ZSWIM3: variants seen among roughly 807,000 people sequenced by gnomAD.
ZSWIM3 encodes the protein zinc finger SWIM-type containing 3.
Under a neutral mutation model 47.5 loss-of-function variants are expected in ZSWIM3, and 27 were observed. That is an observed-to-expected ratio of 0.57 (90% CI 0.42 to 0.78). The LOEUF is 0.78. Among genes scored for constraint, ZSWIM3 ranks in the 30% least tolerant of loss-of-function variants. The pLI is 0.00. For synonymous variants in ZSWIM3, 333 were observed against 333.9 expected, an observed-to-expected ratio of 1.00 and a Z score of 0.03; for missense variants, 689 against 861.3, an observed-to-expected ratio of 0.80 and a Z score of 2.50.
chr20:45,876,949 C>T lies in ZSWIM3; in HGVS notation c.391C>T (p.Gln131Ter), dbSNP rs1202775636. The T allele has an allele frequency of 1.9e-6, 3 of 1,614,046 alleles. No individual in the cohort carries two copies. Among genetic ancestry groups the T allele is most frequent in the Non-Finnish European group, 1.7e-6 (2 of 1,180,022 alleles). Residue 131 changes from glutamine (Q) to a stop codon, truncating the protein, a stop_gained, in exon 2 of 2, where the codon CAG becomes TAG. Transcript: ENST00000255152. LOFTEE classifies it high-confidence loss of function. Reference protein sequence around the residue: ...TMCLQRLQPVQPTTKKDLDTA... With the variant: ...TMCLQRLQPV ...GTGCCTGCAGAGACTCCAGCCTGTG[C>T]AGCCCACAACCAAAAAAGACCTTGA...
At chr20:45,858,778 CT>C (rs34910222) in intron 1 of ZSWIM3, among the ~76,000 whole-genome samples, 78,381 of 151,772 alleles carry the variant, frequency 0.52, 20,790 homozygotes, top group Admixed American at 0.6. Context: ...CCCTGCAGGG[CT>C]TTTTTTTCAG....
chr20:45,874,504 T>C (rs748527042), intron 1 of ZSWIM3, among the ~76,000 whole-genome samples: 2 of 152,154 alleles, frequency 1.3e-5, no homozygotes, highest in Non-Finnish European at 2.9e-5. Context: ...AGAGTGAGAC[T>C]TTAATTTCAA....
chr20:45,864,608 A>G (rs1166317056), intron 1 of ZSWIM3, among the ~76,000 whole-genome samples: 2 of 152,358 alleles, frequency 1.3e-5, no homozygotes, highest in South Asian at 2.1e-4. Flanking sequence ...CACGCCTATA[A>G]TCCCAACACT....
Position 45,857,649 on chromosome 20 carries a change from C to A in ZSWIM3, c.-177C>A. 1.3e-6 allele frequency: 1 copy of A among 759,408 alleles called. No homozygotes were observed. The highest frequency in any genetic ancestry group is 2.2e-6 in the Non-Finnish European group (1 of 458,280). The allele number at this position is 759,408 out of a possible 1,614,324, so 47.0% of individuals were successfully genotyped here. A position where few individuals can be genotyped will look rare whatever the true frequency, so the allele number is the denominator to read the frequency against. On this transcript the variant is annotated 5_prime_UTR_variant, in exon 1 of 2. Coordinates refer to ENST00000255152, the MANE Select transcript of ZSWIM3 (RefSeq NM_080752.4). ...AAATACACCCCCTTCCTCTTGTAAC[C>A]CGGTCAGGCCTAGGGTTCCTCCCTG...
At chr20:45,864,847 T>A (rs1000832971) in intron 1 of ZSWIM3, among the ~76,000 whole-genome samples, 11 of 151,034 alleles carry the variant, frequency 7.3e-5, no homozygotes, top group Admixed American at 7.3e-4. Context: ...GGTGACAGAG[T>A]GAGACTCCAT....
At chr20:45,870,250 G>A (rs1403721747) in intron 1 of ZSWIM3, among the ~76,000 whole-genome samples, 1 of 151,766 alleles carries the variant, frequency 6.6e-6, no homozygotes, top group Non-Finnish European at 1.5e-5. Flanking sequence ...TGAGGCAGGA[G>A]AATCGCTTGA....
chr20:45,875,278 G>A (rs950914497), intron 1 of ZSWIM3, among the ~76,000 whole-genome samples: 1 of 151,890 alleles, frequency 6.6e-6, no homozygotes. Context: ...TCCTGATCTC[G>A]TGATTCACCC....
At chr20:45,860,444 G>A (rs1187540039) in intron 1 of ZSWIM3, among the ~76,000 whole-genome samples, 6 of 150,142 alleles carry the variant, frequency 4.0e-5, no homozygotes, top group Non-Finnish European at 8.8e-5. Flanking sequence ...CCGGGAGGTG[G>A]AGGTTGCAGT....
chr20:45,868,647 T>G (rs1386053799), intron 1 of ZSWIM3, among the ~76,000 whole-genome samples: 1 of 151,762 alleles, frequency 6.6e-6, no homozygotes, highest in Non-Finnish European at 1.5e-5. Context: ...TCTCCCAAAG[T>G]GTTGGGATTA....
rs774404420 is a variant in ZSWIM3 at position 45,878,457 on chromosome 20, C to T, written c.1899C>T (p.Thr633=). 18 of 1,614,176 alleles carry T rather than the reference C, an allele frequency of 1.1e-5. No individual in the cohort carries two copies. Among genetic ancestry groups the T allele is most frequent in the East Asian group, 2.2e-5 (1 of 44,882 alleles). The change falls in exon 2 of 2, where the codon ACC becomes ACT. Residue 633 remains threonine (T), a synonymous_variant. Transcript: ENST00000255152. ...SRELANLLMQ[T]EGPELEERYS... ...AGTTAGCAAACCTGCTCATGCAGAC[C>T]GAGGGGCCAGAGCTGGAGGAACGCT...
chr20:45,872,149 G>T (rs1985990135), intron 1 of ZSWIM3, among the ~76,000 whole-genome samples: 1 of 152,176 alleles, frequency 6.6e-6, no homozygotes, highest in Non-Finnish European at 1.5e-5. Context: ...GATGATAATA[G>T]AATCCTTTTC....
chr20:45,873,467 T>C (rs890451638), intron 1 of ZSWIM3, among the ~76,000 whole-genome samples: 1 of 151,876 alleles, frequency 6.6e-6, no homozygotes, highest in African/African-American at 2.4e-5. Flanking sequence ...TGAGGAATAA[T>C]AGTCCTGACA....
chr20:45,865,865 C>T (rs549836175), intron 1 of ZSWIM3, among the ~76,000 whole-genome samples: 4 of 151,794 alleles, frequency 2.6e-5, no homozygotes, highest in African/African-American at 7.3e-5. Flanking sequence ...TGGTGGCAGG[C>T]GCCTGTAATC....
chr20:45,859,956 C>T lies in ZSWIM3; in HGVS notation c.155+1976C>T, dbSNP rs1005743554. ...ATGTGATTCAGGGAAATAGGTGCTG[C>T]GGGAACTCAGAAGAGAAAAATCACT... On this transcript the variant is annotated intron_variant, in intron 1 of 1. Coordinates refer to ENST00000255152, the MANE Select transcript of ZSWIM3 (RefSeq NM_080752.4). Among the ~76,000 whole-genome samples the T allele has an allele frequency of 2.7e-4, 41 of 151,898 alleles. 2 individuals are homozygous for T.
At chr20:45,865,404 C>T (rs1320471994) in intron 1 of ZSWIM3, among the ~76,000 whole-genome samples, 1 of 151,814 alleles carries the variant, frequency 6.6e-6, no homozygotes, top group Non-Finnish European at 1.5e-5. Context: ...AGGAGAATGG[C>T]GTGAACCCGG....
At chr20:45,872,152 T>A (rs1985990185) in intron 1 of ZSWIM3, among the ~76,000 whole-genome samples, 1 of 152,202 alleles carries the variant, frequency 6.6e-6, no homozygotes, top group Admixed American at 6.6e-5. Flanking sequence ...GATAATAGAA[T>A]CCTTTTCCTA....
chr20:45,861,471 A>G (rs1985707054), intron 1 of ZSWIM3, among the ~76,000 whole-genome samples: 1 of 151,738 alleles, frequency 6.6e-6, no homozygotes, highest in African/African-American at 2.4e-5. Flanking sequence ...TTGCACGCAC[A>G]TACAAAAGCC....
chr20:45,868,204 G>A (rs1568746715), intron 1 of ZSWIM3, among the ~76,000 whole-genome samples: 1 of 152,150 alleles, frequency 6.6e-6, no homozygotes. Flanking sequence ...CGAAATCCCT[G>A]CAAGTGATGA....
At chr20:45,876,297 G>A (rs996366729) in intron 1 of ZSWIM3, among the ~76,000 whole-genome samples, 11 of 151,294 alleles carry the variant, frequency 7.3e-5, no homozygotes, top group African/African-American at 2.4e-4. Context: ...CGCCCATCTC[G>A]GTCTCCCAAA....
Sources: gnomAD v4.1 joint callset for allele counts (sites outside exome capture counted in the v4.1 genomes callset) on GRCh38, gnomAD v4.1.1 for gene constraint, MANE v1.5 for transcripts, NCBI Gene and HGNC (gene_info 2026-07-23, HGNC 2026-07-21) for gene names.